The following BMP2K variants were observed in gnomAD, a reference collection of about 807,000 sequenced individuals.
BMP2K encodes BMP-2-inducible protein kinase.
A neutral mutation model predicts 116.0 loss-of-function variants in BMP2K; 74 were observed. That is an observed-to-expected ratio of 0.64 (90% confidence interval 0.53 to 0.77). BMP2K has a LOEUF of 0.77. Among genes scored for constraint, BMP2K ranks in the 30% least tolerant of loss-of-function variants. The probability of loss-of-function intolerance (pLI) is 0.00; values close to 1 mark genes in which losing one functional copy is unlikely to be tolerated. For missense variants in BMP2K, 1,365 were observed against 1,403.6 expected (o/e 0.97, Z 0.44); for synonymous variants, 486 against 502.5 (o/e 0.97, Z 0.44).
In BMP2K at chr4:78,800,763, T is replaced by A. The variant is rs571587013; in HGVS notation, c.178+24042T>A. ...ACATCTAAAAAATGGCAAACTCAAC[T>A]CATGTTAATGGTTTTAGATTGAATT... On this transcript the variant is annotated intron_variant, in intron 1 of 15. Transcript: ENST00000502613. Among the ~76,000 whole-genome samples the A allele has an allele frequency of 2.6e-5, 4 of 152,314 alleles. No homozygotes were observed. The South Asian group carries it at 8.3e-4, about 32-fold the overall frequency.
chr4:78,856,744 C>T (rs1353055075), intron 7 of BMP2K, among the ~76,000 whole-genome samples: 1 of 152,078 alleles, frequency 6.6e-6, no homozygotes, highest in African/African-American at 2.4e-5. Flanking sequence ...CCGAAGGAGC[C>T]TGTTCCTCTG....
At chr4:78,851,377 AT>A (rs1020452997) in intron 7 of BMP2K, among the ~76,000 whole-genome samples, 20 of 152,082 alleles carry the variant, frequency 1.3e-4, no homozygotes, top group African/African-American at 4.3e-4. Context: ...CTCCTTTAAG[AT>A]TTTTTTCTTC....
intron 1 of BMP2K, among the ~76,000 whole-genome samples, chr4:78,779,853 T>C (rs1463883455): frequency 1.3e-5 from 2 of 152,186 alleles, no homozygotes. Context: ...AAAATAGAAC[T>C]TGCACCTTTT....
At chr4:78,801,925 A>G (rs538382090) in intron 1 of BMP2K, among the ~76,000 whole-genome samples, 2 of 152,334 alleles carry the variant, frequency 1.3e-5, no homozygotes, top group East Asian at 3.9e-4. Flanking sequence ...TTTAACAGCT[A>G]TGATCTTTGT....
At position 78,833,630 on chromosome 4, in the gene BMP2K, G is replaced by A. The variant is rs1473135477; in HGVS notation, c.346G>A (p.Val116Ile). The A allele has an allele frequency of 2.5e-6, 4 of 1,605,858 alleles. No homozygotes were observed. In the Admixed American group the frequency reaches 5.2e-5, roughly 21 times the overall value. ...KNIVGYLDCA[V>I]NSISDNVWEV... Reference sequence around the variant, plus strand: ...TATTGTGGGCTATTTGGACTGTGCTGTTAATTCAATTAGTGATAATGTATG... The same window carrying A: ...TATTGTGGGCTATTTGGACTGTGCTATTAATTCAATTAGTGATAATGTATG... The change falls in exon 3 of 16, where the codon GTT becomes ATT. Residue 116 changes from valine to isoleucine, a missense_variant. Val to Ile is a conservative substitution (Grantham distance 29). Around this residue, in one of 3 missense-constraint regions of BMP2K, gnomAD observed 762 missense variants for 756.7 expected, o/e 1.01. Transcript: ENST00000502613.
At chr4:78,827,238 C>T (rs148984448) in intron 2 of BMP2K, among the ~76,000 whole-genome samples, 51 of 151,804 alleles carry the variant, frequency 3.4e-4, no homozygotes, top group African/African-American at 1.2e-3. Flanking sequence ...TCTTATCTTT[C>T]TTTCTTTTTT....
chr4:78,791,724 C>A (rs1271737262), intron 1 of BMP2K, among the ~76,000 whole-genome samples: 1 of 152,144 alleles, frequency 6.6e-6, no homozygotes, highest in Admixed American at 6.5e-5. Context: ...TTGTGTCTGG[C>A]TTATTTTACT....
chr4:78,794,051 G>A (rs1266051227), intron 1 of BMP2K, among the ~76,000 whole-genome samples: 1 of 152,140 alleles, frequency 6.6e-6, no homozygotes, highest in Non-Finnish European at 1.5e-5. Context: ...TCTTGGGAGA[G>A]GGCTTATGGC....
chr4:78,883,315 A>T (rs971512634), intron 14 of BMP2K, among the ~76,000 whole-genome samples: 8 of 152,118 alleles, frequency 5.3e-5, no homozygotes, highest in Non-Finnish European at 1.0e-4. Context: ...ATTAGATTTT[A>T]TTTGTAGGTA....
At chr4:78,893,106 AC>A (rs1352643929) in intron 15 of BMP2K, among the ~76,000 whole-genome samples, 6 of 152,198 alleles carry the variant, frequency 3.9e-5, no homozygotes, top group Non-Finnish European at 7.3e-5. Context: ...ATTCCCTCAA[AC>A]CATACCATTG....
intron 1 of BMP2K, among the ~76,000 whole-genome samples, chr4:78,798,304 G>A (rs1728398675): frequency 6.6e-6 from 1 of 152,152 alleles, no homozygotes; most frequent in Non-Finnish European, 1.5e-5. Flanking sequence ...ATAAGATTTT[G>A]GTTGAAAGAA....
intron 1 of BMP2K, among the ~76,000 whole-genome samples, chr4:78,786,032 T>A (rs1727708652): frequency 6.6e-6 from 1 of 152,192 alleles, no homozygotes; most frequent in Non-Finnish European, 1.5e-5. Flanking sequence ...CTCTTACTCT[T>A]ACTCCCTACT....
chr4:78,828,416 C>T (rs1374382750), intron 2 of BMP2K, among the ~76,000 whole-genome samples: 3 of 152,196 alleles, frequency 2.0e-5, no homozygotes, highest in Admixed American at 6.5e-5. Context: ...TCTGGAAGCT[C>T]CCTGAACCCA....
chr4:78,861,496 A>C (rs1400737245), intron 9 of BMP2K, 28 bp downstream of exon 9: 2 of 1,549,444 alleles, frequency 1.3e-6, no homozygotes, highest in Non-Finnish European at 1.8e-6. Context: ...GAAATTGAAA[A>C]GGCATTAAAA....
intron 10 of BMP2K, 96 bp from the exon 11 acceptor site, chr4:78,870,687 C>A: frequency 6.9e-7 from 1 of 1,450,138 alleles, no homozygotes; most frequent in South Asian, 1.4e-5. Context: ...GATATAAATG[C>A]CTTAGTTAAA....
intron 14 of BMP2K, among the ~76,000 whole-genome samples, chr4:78,884,578 G>A (rs113207705): frequency 0.01 from 1,528 of 152,250 alleles, 12 homozygotes; most frequent in Non-Finnish European, 0.014. Context: ...TTGACATGCT[G>A]TAGTTATCAT....
Position 78,826,062 on chromosome 4 carries a change from G to A in BMP2K, c.204G>A (p.Val68=). ...AEGGFSTVFL[V]RTHGGIRCAL... ...GTGGATTCTCCACAGTTTTCCTCGTGCGTACTCACGGTGGAATCCGATGTG... is the reference window on the plus strand; with the variant it reads ...GTGGATTCTCCACAGTTTTCCTCGTACGTACTCACGGTGGAATCCGATGTG... The change falls in exon 2 of 16, where the codon GTG becomes GTA. Residue 68 remains valine, a synonymous_variant. Transcript: ENST00000502613. 1 of 1,613,716 alleles carries A rather than the reference G, an allele frequency of 6.2e-7. No individual in the cohort carries two copies. The highest frequency in any genetic ancestry group is 1.3e-5 in the African/African-American group (1 of 74,964).
At chr4:78,828,059 T>C (rs889789249) in intron 2 of BMP2K, among the ~76,000 whole-genome samples, 1 of 152,152 alleles carries the variant, frequency 6.6e-6, no homozygotes, top group African/African-American at 2.4e-5. Context: ...CCAGGTAGCA[T>C]GAGAGCAGAC....
At chr4:78,803,673 C>T (rs756128861) in intron 1 of BMP2K, among the ~76,000 whole-genome samples, 56 of 152,302 alleles carry the variant, frequency 3.7e-4, no homozygotes, top group Middle Eastern at 6.8e-3. Flanking sequence ...GCCACCATGC[C>T]TGGCTGTTTA....
Sources: gnomAD v4.1 joint callset for allele counts (sites outside exome capture counted in the v4.1 genomes callset) on GRCh38, gnomAD v4.1.1 for gene constraint, gnomAD v4.1.1 regional missense constraint, MANE v1.5 for transcripts, NCBI Gene and HGNC (gene_info 2026-07-23, HGNC 2026-07-21) for gene names.